The following PDE1C variants were observed in gnomAD, a reference collection of about 807,000 sequenced individuals.
PDE1C encodes the protein phosphodiesterase 1C.
In PDE1C, 62 loss-of-function variants were observed where a neutral mutation model predicts 93.1. The ratio of observed to expected loss-of-function variants is 0.67; its 90% confidence interval spans 0.54 to 0.82. The LOEUF (loss-of-function observed/expected upper bound fraction) is 0.82. PDE1C is among the 40% of genes least tolerant of loss of function. The probability of loss-of-function intolerance (pLI) is 0.00; values close to 1 mark genes in which losing one functional copy is unlikely to be tolerated. For synonymous variants in PDE1C, 325 were observed against 310.1 expected (o/e 1.05, Z -0.50); for missense variants, 742 against 884.6 (o/e 0.84, Z 2.04).
At chr7:32,261,473 A>C (rs1384080870) in intron 1 of PDE1C, among the ~76,000 whole-genome samples, 1 of 152,214 alleles carries the variant, frequency 6.6e-6, no homozygotes, top group African/African-American at 2.4e-5. Context: ...TGACTTGAGT[A>C]ATAATAAAAC....
the PDE1C span, chr7:31,658,188 A>G: frequency 8.2e-7 from 1 of 1,222,110 alleles, no homozygotes. Flanking sequence ...GTGTAAGGAT[A>G]TTCGTTTTTT....
chr7:32,106,605 C>T (rs996992319), intron 3 of PDE1C, among the ~76,000 whole-genome samples: 20 of 152,096 alleles, frequency 1.3e-4, no homozygotes, highest in African/African-American at 3.9e-4. Context: ...AACTCCAAGC[C>T]GCAGACCCCA....
chr7:31,932,988 T>G (rs1380283654), intron 2 of PDE1C, among the ~76,000 whole-genome samples: 1 of 152,056 alleles, frequency 6.6e-6, no homozygotes. Flanking sequence ...CACCACATGT[T>G]CCCACTCATA....
At chr7:32,163,446 A>C (rs1355608327) in intron 3 of PDE1C, among the ~76,000 whole-genome samples, 1 of 152,310 alleles carries the variant, frequency 6.6e-6, no homozygotes, top group East Asian at 1.9e-4. Flanking sequence ...GGATCTGACA[A>C]GGCCTTAATC....
chr7:32,116,995 T>C (rs1397798267), intron 3 of PDE1C, among the ~76,000 whole-genome samples: 1 of 152,172 alleles, frequency 6.6e-6, no homozygotes, highest in African/African-American at 2.4e-5. Flanking sequence ...AGCACTTTTA[T>C]ACACAAGTTA....
chr7:32,252,725 C>A (rs1485046160), intron 1 of PDE1C, among the ~76,000 whole-genome samples: 1 of 152,178 alleles, frequency 6.6e-6, no homozygotes, highest in Non-Finnish European at 1.5e-5. Flanking sequence ...GCTGCTCAAA[C>A]TATGTATTTG....
At chr7:32,056,377 A>ACACG (rs1794103498) in intron 1 of PDE1C, among the ~76,000 whole-genome samples, 1 of 149,050 alleles carries the variant, frequency 6.7e-6, no homozygotes, top group Non-Finnish European at 1.5e-5. Context: ...AAACACACAC[A>ACACG]CACACACACA....
chr7:32,333,512 C>T (rs779934133), intron 1 of PDE1C, among the ~76,000 whole-genome samples: 4 of 152,160 alleles, frequency 2.6e-5, no homozygotes, highest in Non-Finnish European at 4.4e-5. Context: ...TGTACATGCT[C>T]TTTGTCACTG....
At chr7:31,757,264 A>C (rs76154454) in intron 17 of PDE1C, among the ~76,000 whole-genome samples, 2,242 of 152,334 alleles carry the variant, frequency 0.015, 63 homozygotes, top group African/African-American at 0.052. Context: ...GGAAGAACAT[A>C]CATTTAAATC....
intron 9 of PDE1C, among the ~76,000 whole-genome samples, chr7:31,842,418 T>A (rs1792029116): frequency 6.6e-6 from 1 of 152,146 alleles, no homozygotes; most frequent in Non-Finnish European, 1.5e-5. Flanking sequence ...TATCCAAGGC[T>A]GGATATTTCT....
chr7:32,292,782 C>T (rs773516262), intron 1 of PDE1C, among the ~76,000 whole-genome samples: 5 of 152,152 alleles, frequency 3.3e-5, no homozygotes, highest in African/African-American at 4.8e-5. Flanking sequence ...AGCTCAGGAC[C>T]GTCATTCCTT....
the PDE1C span, among the ~76,000 whole-genome samples, chr7:31,681,888 T>C: frequency 6.6e-6 from 1 of 152,198 alleles, no homozygotes; most frequent in Non-Finnish European, 1.5e-5. Flanking sequence ...CCAGTAACCA[T>C]AACAAGTTGA....
intron 16 of PDE1C, among the ~76,000 whole-genome samples, chr7:31,780,186 C>T (rs1186956103): frequency 6.6e-6 from 1 of 152,146 alleles, no homozygotes; most frequent in Non-Finnish European, 1.5e-5. Context: ...TTAATGTTCC[C>T]AGGTGAGCCT....
At chr7:31,658,586 G>A in the PDE1C span, 2 of 349,506 alleles carry the variant, frequency 5.7e-6, no homozygotes, top group Non-Finnish European at 1.0e-5. Flanking sequence ...AATTGTTCAT[G>A]ATGTGCGAGA....
At chr7:32,168,147 T>C (rs1285820256) in intron 3 of PDE1C, among the ~76,000 whole-genome samples, 1 of 152,178 alleles carries the variant, frequency 6.6e-6, no homozygotes, top group Non-Finnish European at 1.5e-5. Context: ...TGCTAAAGGG[T>C]TGGCATATAC....
chr7:32,358,183 A>C (rs1423835691), intron 1 of PDE1C, among the ~76,000 whole-genome samples: 1 of 152,140 alleles, frequency 6.6e-6, no homozygotes. Context: ...CAGGTCCACA[A>C]CCTAACAAAT....
intron 1 of PDE1C, among the ~76,000 whole-genome samples, chr7:32,209,772 G>C (rs926165098): frequency 2.0e-5 from 3 of 152,200 alleles, no homozygotes; most frequent in Non-Finnish European, 2.9e-5. Flanking sequence ...GATGAAGCTA[G>C]AGAGGATCTC....
chr7:31,880,997 C>A (rs1797180553), intron 2 of PDE1C, 137 bp from the exon 3 acceptor site: 1 of 631,544 alleles, frequency 1.6e-6, no homozygotes, highest in East Asian at 2.9e-5. Context: ...ATTATGGGAC[C>A]AAAGGAGCAG....
chr7:31,731,355 CATTAAGT>C, the PDE1C span, among the ~76,000 whole-genome samples: 2 of 124,080 alleles, frequency 1.6e-5, no homozygotes, highest in Non-Finnish European at 3.9e-5. Flanking sequence ...CTCCTAATAT[CATTAAGT>C]ACAACATTGG....
Sources: gnomAD v4.1 joint callset for allele counts (sites outside exome capture counted in the v4.1 genomes callset) on GRCh38, gnomAD v4.1.1 for gene constraint, MANE v1.5 for transcripts, NCBI Gene and HGNC (gene_info 2026-07-23, HGNC 2026-07-21) for gene names.